Variants in CNTN5 observed in about 807,000 individuals in gnomAD.
The protein encoded by CNTN5 is contactin-5.
Under a neutral mutation model 129.1 loss-of-function variants are expected in CNTN5, and 77 were observed. The observed-to-expected ratio is 0.60, with a 90% CI of 0.50 to 0.72. The LOEUF is 0.72. Ranked by LOEUF, CNTN5 falls within the 30% of genes least tolerant of loss-of-function variation. The probability of loss-of-function intolerance (pLI) is 0.00; values close to 1 mark genes in which losing one functional copy is unlikely to be tolerated. For missense variants in CNTN5, 1,478 were observed against 1,328.8 expected (o/e 1.11, Z -1.75); for synonymous variants, 509 against 465.6 (o/e 1.09, Z -1.20).
intron 6 of CNTN5, among the ~76,000 whole-genome samples, chr11:99,846,129 G>GACACACAC (rs10650307): frequency 0.057 from 8,205 of 144,634 alleles, 297 homozygotes; most frequent in African/African-American, 0.1. Context: ...TACGGACATA[G>GACACACAC]ACACACACAC....
At chr11:100,031,475 G>A (rs996543796) in intron 9 of CNTN5, among the ~76,000 whole-genome samples, 3 of 152,142 alleles carry the variant, frequency 2.0e-5, no homozygotes, top group African/African-American at 7.2e-5. Context: ...GGATGCATGA[G>A]GGGCGCCTGT....
intron 1 of CNTN5, among the ~76,000 whole-genome samples, chr11:99,244,408 C>G (rs533100383): frequency 6.6e-6 from 1 of 152,038 alleles, no homozygotes; most frequent in African/African-American, 2.4e-5. Context: ...ATTGGTGTAA[C>G]CCCAGAGCCT....
At chr11:100,179,542 T>A (rs1948074053) in intron 13 of CNTN5, among the ~76,000 whole-genome samples, 1 of 152,058 alleles carries the variant, frequency 6.6e-6, no homozygotes, top group Non-Finnish European at 1.5e-5. Flanking sequence ...GAAAATTTTC[T>A]ATAGTTCAAC....
intron 3 of CNTN5, among the ~76,000 whole-genome samples, chr11:99,746,676 A>C (rs1944065254): frequency 6.6e-6 from 1 of 152,170 alleles, no homozygotes; most frequent in African/African-American, 2.4e-5. Flanking sequence ...AGGGTGGAAT[A>C]GTTTCATCCT....
intron 8 of CNTN5, among the ~76,000 whole-genome samples, chr11:99,996,312 T>C (rs1288842384): frequency 1.3e-5 from 2 of 152,214 alleles, no homozygotes; most frequent in Non-Finnish European, 2.9e-5. Context: ...CCAGTTTCAC[T>C]ATATACATCT....
chr11:99,646,809 TA>T (rs5794011), intron 3 of CNTN5, among the ~76,000 whole-genome samples: 86,723 of 131,762 alleles, frequency 0.66, 29,075 homozygotes, highest in Non-Finnish European at 0.76. Context: ...TGTCAATTCT[TA>T]AAAAAAAAAA....
At chr11:100,186,016 A>C (rs747449643) in intron 13 of CNTN5, among the ~76,000 whole-genome samples, 8 of 152,156 alleles carry the variant, frequency 5.3e-5, no homozygotes, top group Non-Finnish European at 1.0e-4. Context: ...TCTATTTGTA[A>C]AGGTTTAAAC....
At chr11:99,847,425 A>C (rs545845604) in intron 6 of CNTN5, among the ~76,000 whole-genome samples, 1 of 152,144 alleles carries the variant, frequency 6.6e-6, no homozygotes, top group Non-Finnish European at 1.5e-5. Flanking sequence ...ATTTAGAGCA[A>C]TATCTGCTTA....
At chr11:99,719,519 A>G (rs1038612555) in intron 3 of CNTN5, among the ~76,000 whole-genome samples, 2 of 152,074 alleles carry the variant, frequency 1.3e-5, no homozygotes, top group African/African-American at 4.8e-5. Context: ...TTTTGAGGCA[A>G]TGAATTAGAA....
intron 1 of CNTN5, among the ~76,000 whole-genome samples, chr11:99,113,113 A>G (rs1275063731): frequency 6.6e-6 from 1 of 152,066 alleles, no homozygotes; most frequent in East Asian, 1.9e-4. Context: ...GTACTTTTAA[A>G]AATACATACA....
At chr11:99,655,574 G>GT (rs1474465945) in intron 3 of CNTN5, among the ~76,000 whole-genome samples, 5 of 152,118 alleles carry the variant, frequency 3.3e-5, no homozygotes, top group Admixed American at 2.6e-4. Flanking sequence ...AACAGTTGCA[G>GT]TGTCAGTAAA....
intron 6 of CNTN5, among the ~76,000 whole-genome samples, chr11:99,884,454 G>T (rs890616905): frequency 9.2e-5 from 14 of 152,126 alleles, no homozygotes; most frequent in African/African-American, 3.4e-4. Context: ...TATGTTTACT[G>T]AAATATTTAA....
At chr11:99,935,850 C>CT (rs1171432268) in intron 7 of CNTN5, among the ~76,000 whole-genome samples, 2 of 152,080 alleles carry the variant, frequency 1.3e-5, no homozygotes, top group African/African-American at 4.8e-5. Context: ...TGCCAGACTA[C>CT]TAGTTAGTCT....
At chr11:99,211,537 T>C (rs1183436555) in intron 1 of CNTN5, among the ~76,000 whole-genome samples, 1 of 148,662 alleles carries the variant, frequency 6.7e-6, no homozygotes, top group African/African-American at 2.5e-5. Flanking sequence ...AAAAATTTTT[T>C]CTCCTCCTTT....
intron 3 of CNTN5, among the ~76,000 whole-genome samples, chr11:99,619,724 T>C (rs1950870869): frequency 2.0e-5 from 3 of 151,998 alleles, no homozygotes; most frequent in Admixed American, 2.0e-4. Context: ...ACATAAAATG[T>C]GAAATACTAA....
In CNTN5 at chr11:99,715,507, G is replaced by A. The variant is rs141828669; in HGVS notation, c.56-104037G>A. On this transcript the variant is annotated intron_variant, in intron 3 of 24. Transcript: ENST00000524871. ...GAGCAGGCCATGAATGTTTGCCAGG[G>A]GAATGAGAGGAAGAACAGGAAACAG... Among the ~76,000 whole-genome samples, 340 of 151,710 alleles carry A rather than the reference G, an allele frequency of 2.2e-3. 2 individuals carry two copies. Among genetic ancestry groups the A allele is most frequent in the African/African-American group, 7.7e-3 (317 of 41,394 alleles).
chr11:100,340,840 T>C (rs1952142737), intron 22 of CNTN5, among the ~76,000 whole-genome samples, 191 bp downstream of exon 22: 1 of 152,190 alleles, frequency 6.6e-6, no homozygotes, highest in Admixed American at 6.6e-5. Context: ...AAAGGTTATC[T>C]TCCTGTGAAA....
At chr11:99,535,807 A>G (rs1011258370) in intron 2 of CNTN5, among the ~76,000 whole-genome samples, 1 of 152,156 alleles carries the variant, frequency 6.6e-6, no homozygotes, top group Non-Finnish European at 1.5e-5. Flanking sequence ...TTTTGGTAAA[A>G]AAATCTTCCA....
intron 13 of CNTN5, among the ~76,000 whole-genome samples, chr11:100,105,080 G>A (rs925490968): frequency 2.0e-5 from 3 of 152,184 alleles, no homozygotes; most frequent in South Asian, 2.1e-4. Flanking sequence ...AATTGGAAAT[G>A]TAGATTTTAT....
Sources: gnomAD v4.1 joint callset for allele counts (sites outside exome capture counted in the v4.1 genomes callset) on GRCh38, gnomAD v4.1.1 for gene constraint, MANE v1.5 for transcripts, NCBI Gene and HGNC (gene_info 2026-07-23, HGNC 2026-07-21) for gene names.